COL5A2: variants seen among roughly 807,000 people sequenced by gnomAD.
COL5A2 encodes the protein collagen alpha-2(V) chain.
COL5A2 carries 23 observed loss-of-function variants against 208.2 expected under a neutral mutation model. That is an observed-to-expected ratio of 0.11 (90% CI 0.08 to 0.16). The LOEUF (loss-of-function observed/expected upper bound fraction) is 0.16. COL5A2 is among the 10% of genes least tolerant of loss of function. The pLI, the probability that COL5A2 is intolerant of heterozygous loss-of-function variation, is 1.00. For synonymous variants in COL5A2, 625 were observed against 628.5 expected, an observed-to-expected ratio of 0.99 and a Z score of 0.08; for missense variants, 1,590 against 1,956.4, an observed-to-expected ratio of 0.81 and a Z score of 3.53.
At chr2:189,157,700 GT>G (rs1421468841) in intron 1 of COL5A2, among the ~76,000 whole-genome samples, 1 of 152,016 alleles carries the variant, frequency 6.6e-6, no homozygotes, top group Admixed American at 6.6e-5. Flanking sequence ...GGAATTAAAT[GT>G]TTTGTGGTAT....
the COL5A2 span, among the ~76,000 whole-genome samples, chr2:189,303,571 CTG>C: frequency 6.6e-6 from 1 of 152,144 alleles, no homozygotes. Flanking sequence ...GAGAAGGACT[CTG>C]TACTTCTACA....
At chr2:189,219,816 C>G (rs941572194) in intron 1 of COL5A2, among the ~76,000 whole-genome samples, 3 of 152,090 alleles carry the variant, frequency 2.0e-5, no homozygotes, top group Non-Finnish European at 2.9e-5. Flanking sequence ...GGCCTAGCAT[C>G]TGGGAGCTAT....
chr2:189,098,018 A>G (rs760285363), intron 5 of COL5A2, among the ~76,000 whole-genome samples: 3 of 151,068 alleles, frequency 2.0e-5, no homozygotes, highest in Non-Finnish European at 4.4e-5. Flanking sequence ...TATTGTGCTG[A>G]TATCTTAAAA....
chr2:189,218,819 T>C (rs1476778911), intron 1 of COL5A2, among the ~76,000 whole-genome samples: 1 of 152,124 alleles, frequency 6.6e-6, no homozygotes, highest in African/African-American at 2.4e-5. Context: ...TGCTTGATAT[T>C]TCAGTGCACA....
chr2:189,337,121 T>C, the COL5A2 span, among the ~76,000 whole-genome samples: 3 of 152,188 alleles, frequency 2.0e-5, no homozygotes, highest in South Asian at 2.1e-4. Context: ...CACACAAGCA[T>C]ACACATTCAT....
the COL5A2 span, among the ~76,000 whole-genome samples, chr2:189,424,130 T>A: frequency 1.3e-5 from 2 of 152,138 alleles, no homozygotes; most frequent in Admixed American, 1.3e-4. Flanking sequence ...GAAAAAGCAC[T>A]TGACAAAATT....
At chr2:189,039,158 T>A (rs1685504784) in intron 51 of COL5A2, 114 bp downstream of exon 51, 5 of 1,326,076 alleles carry the variant, frequency 3.8e-6, no homozygotes, top group South Asian at 3.6e-5. Context: ...ATGTTTACTA[T>A]TTTTATCTCA....
At chr2:189,389,805 G>C in the COL5A2 span, among the ~76,000 whole-genome samples, 1 of 152,114 alleles carries the variant, frequency 6.6e-6, no homozygotes, top group African/African-American at 2.4e-5. Flanking sequence ...ATAAACTGAA[G>C]ATCACTGCAA....
intron 1 of COL5A2, among the ~76,000 whole-genome samples, chr2:189,158,153 A>G (rs1419911032): frequency 1.3e-5 from 2 of 152,054 alleles, no homozygotes; most frequent in African/African-American, 4.8e-5. Context: ...AGCTACAGAT[A>G]TGTGCAATGA....
chr2:189,273,755 G>C, the COL5A2 span, among the ~76,000 whole-genome samples: 2 of 152,104 alleles, frequency 1.3e-5, no homozygotes, highest in Non-Finnish European at 2.9e-5. Flanking sequence ...GGCACAGAAA[G>C]ACAAATATCA....
chr2:189,389,236 A>G, the COL5A2 span, among the ~76,000 whole-genome samples: 1 of 152,184 alleles, frequency 6.6e-6, no homozygotes, highest in Admixed American at 6.5e-5. Context: ...GTTATGTGAC[A>G]GTAGACAATA....
the COL5A2 span, among the ~76,000 whole-genome samples, chr2:189,232,320 C>G: frequency 6.6e-6 from 1 of 151,518 alleles, no homozygotes; most frequent in African/African-American, 2.4e-5. Flanking sequence ...GTGAAAATAA[C>G]GTAATAGGCC....
At chr2:189,287,257 T>C in the COL5A2 span, among the ~76,000 whole-genome samples, 1 of 152,002 alleles carries the variant, frequency 6.6e-6, no homozygotes, top group African/African-American at 2.4e-5. Context: ...TAATCAATGG[T>C]AGTTATCATT....
At chr2:189,357,887 G>C in the COL5A2 span, among the ~76,000 whole-genome samples, 1 of 152,078 alleles carries the variant, frequency 6.6e-6, no homozygotes, top group South Asian at 2.1e-4. Flanking sequence ...TCTGTGGGTT[G>C]TGAAGACTGT....
chr2:189,397,559 G>T, the COL5A2 span, among the ~76,000 whole-genome samples: 14 of 152,046 alleles, frequency 9.2e-5, no homozygotes, highest in Admixed American at 2.0e-4. Flanking sequence ...CAGTTTTGTT[G>T]AGTTTTAAGA....
chr2:189,348,236 A>G, the COL5A2 span, among the ~76,000 whole-genome samples: 2 of 152,134 alleles, frequency 1.3e-5, no homozygotes, highest in African/African-American at 2.4e-5. Context: ...TCAAAAATAT[A>G]TTTTTGATAT....
the COL5A2 span, among the ~76,000 whole-genome samples, chr2:189,309,088 T>A: frequency 6.6e-6 from 1 of 152,092 alleles, no homozygotes; most frequent in Admixed American, 6.6e-5. Context: ...TTACAGGAGG[T>A]AGCTTGTCAG....
At chr2:189,270,637 T>G in the COL5A2 span, among the ~76,000 whole-genome samples, 2 of 152,022 alleles carry the variant, frequency 1.3e-5, no homozygotes, top group Non-Finnish European at 2.9e-5. Context: ...AAGAGTGTTT[T>G]ACTTCCAGTT....
chr2:189,400,624 GTTTAT>G, the COL5A2 span, among the ~76,000 whole-genome samples: 1 of 152,168 alleles, frequency 6.6e-6, no homozygotes. Context: ...ACTTCAAAGA[GTTTAT>G]TTTAATTATT....
Sources: allele counts gnomAD v4.1 joint callset (sites outside exome capture counted in the v4.1 genomes callset), GRCh38; gene constraint gnomAD v4.1.1; transcripts MANE v1.5; gene names NCBI Gene and HGNC (gene_info 2026-07-23, HGNC 2026-07-21).